Variants in CCDC33 observed in about 807,000 individuals in gnomAD.
CCDC33 encodes the protein coiled-coil domain-containing protein 33.
Under a neutral mutation model 91.9 loss-of-function variants are expected in CCDC33, and 94 were observed. The ratio of observed to expected loss-of-function variants is 1.02; its 90% CI spans 0.87 to 1.21. CCDC33 has a LOEUF of 1.21. CCDC33 is among the 50% of genes most tolerant of loss of function. CCDC33 has a pLI of 0.00. For missense variants in CCDC33, 940 were observed against 935.5 expected, an observed-to-expected ratio of 1.00 and a Z score of -0.06; for synonymous variants, 396 against 374.5, an observed-to-expected ratio of 1.06 and a Z score of -0.66.
intron 2 of CCDC33, among the ~76,000 whole-genome samples, chr15:74,220,642 C>T (rs1461211373): frequency 2.0e-5 from 3 of 152,208 alleles, no homozygotes; most frequent in Non-Finnish European, 4.4e-5. Flanking sequence ...TCGAACTCGG[C>T]AGCTCTAATT....
In CCDC33 at chr15:74,227,747, A is replaced by T. The variant is rs974894534; in HGVS notation, c.675+8886A>T. ...TAGACAAACTTTGGACTCAGGCTTG[A>T]GTTCAGGTTCCTGGTCTGCCTTGCA... On this transcript the variant is annotated intron_variant, in intron 2 of 2. Transcript: ENST00000635913. Among the ~76,000 whole-genome samples, 5 of 152,200 alleles carry T rather than the reference A, an allele frequency of 3.3e-5. No homozygotes were observed. In the South Asian group the frequency reaches 1.0e-3, roughly 32 times the overall value.
At chr15:74,326,858 G>C (rs1436746394) in intron 11 of CCDC33, among the ~76,000 whole-genome samples, 1 of 152,176 alleles carries the variant, frequency 6.6e-6, no homozygotes, top group Admixed American at 6.5e-5. Flanking sequence ...TCTGGGCCAT[G>C]GTGTCCTTCC....
At position 74,244,646 on chromosome 15, in the gene CCDC33, C is replaced by T. The variant is rs2075460775; in HGVS notation, c.185+498C>T. Among the ~76,000 whole-genome samples the T allele has an allele frequency of 6.6e-6, 1 of 152,072 alleles. No individual in the cohort carries two copies. On this transcript the variant is annotated intron_variant, in intron 2 of 18. Coordinates refer to ENST00000398814, the MANE Select transcript of CCDC33 (RefSeq NM_025055.5). This position sits in a 1 kb window ranked among gnomAD's most constrained non-coding sequence, Gnocchi z 4.2. Reference sequence around the variant, plus strand: ...CCTAGTTCTGGGCCTTTAATGCACCCCACACACCCCCTCCAGCCAGCTGCT... The same window carrying T: ...CCTAGTTCTGGGCCTTTAATGCACCTCACACACCCCCTCCAGCCAGCTGCT...
chr15:74,333,391 G>A, intron 16 of CCDC33: 1 of 1,167,238 alleles, frequency 8.6e-7, no homozygotes, highest in Non-Finnish European at 1.3e-6. Flanking sequence ...GGGGCCCCTT[G>A]CTTTACATAA....
chr15:74,292,313 A>G (rs551910028), intron 10 of CCDC33, among the ~76,000 whole-genome samples: 2 of 152,180 alleles, frequency 1.3e-5, no homozygotes, highest in East Asian at 3.9e-4. Context: ...GGCTCTTTCT[A>G]TGGTCTCGAG....
chr15:74,213,046 C>T (rs1567205967), upstream of CCDC33: 1 of 152,094 alleles, frequency 6.6e-6, no homozygotes, highest in Non-Finnish European at 1.5e-5. Context: ...GAAACCCCGT[C>T]TCTATTAAAA....
chr15:74,245,963 C>G (rs2075516404), intron 2 of CCDC33, among the ~76,000 whole-genome samples: 1 of 152,162 alleles, frequency 6.6e-6, no homozygotes, highest in African/African-American at 2.4e-5. Flanking sequence ...CTGTCAGGAC[C>G]TGAAGGGGGC....
At chr15:74,324,263 T>A (rs1937967169) in intron 11 of CCDC33, among the ~76,000 whole-genome samples, 1 of 152,130 alleles carries the variant, frequency 6.6e-6, no homozygotes, top group African/African-American at 2.4e-5. Flanking sequence ...GCTCTTTTGC[T>A]CACCTTGATG....
Position 74,336,125 on chromosome 15 carries a change from A to T in CCDC33, c.*72A>T. On this transcript the variant is annotated 3_prime_UTR_variant, in exon 19 of 19. Transcript: ENST00000398814. ...CGCCCCCTAAAAATGACGTTATTAA[A>T]TGTTGTAGCTCTGTGAGCATTTTCC... 6.3e-7 allele frequency: 1 copy of T among 1,581,282 alleles called. No individual in the cohort carries two copies. The highest frequency in any genetic ancestry group is 8.6e-7 in the Non-Finnish European group (1 of 1,165,334).
chr15:74,309,819 G>C (rs1328042423), intron 11 of CCDC33, among the ~76,000 whole-genome samples: 1 of 152,154 alleles, frequency 6.6e-6, no homozygotes, highest in African/African-American at 2.4e-5. Flanking sequence ...CATCTCAACA[G>C]AACAGCCTGG....
rs2060092592 is a variant in CCDC33 at position 74,316,594 on chromosome 15, G to A, written c.1291-13595G>A. 6.6e-6 allele frequency among the ~76,000 whole-genome samples: 1 copy of A among 152,150 alleles called. No homozygotes were observed. The highest frequency in any genetic ancestry group is 1.9e-4 in the East Asian group (1 of 5,186). On this transcript the variant is annotated intron_variant, in intron 11 of 18. Transcript: ENST00000398814. The surrounding 1 kb of genome is among the most constrained non-coding windows in gnomAD (Gnocchi z 4.7). Reference sequence around the variant, plus strand: ...GGGGCACACACCCATTTCCCTGGTGGGGAGGCTGAGGGGCAGGAGCAGGAA... The same window carrying A: ...GGGGCACACACCCATTTCCCTGGTGAGGAGGCTGAGGGGCAGGAGCAGGAA...
intron 7 of CCDC33, among the ~76,000 whole-genome samples, chr15:74,275,514 C>T (rs1037484021): frequency 5.9e-5 from 9 of 152,166 alleles, no homozygotes; most frequent in Admixed American, 2.0e-4. Context: ...CATCAACTCA[C>T]GACATAGAAT....
intron 6 of CCDC33, among the ~76,000 whole-genome samples, chr15:74,272,312 G>A (rs1342571635): frequency 6.6e-6 from 1 of 152,162 alleles, no homozygotes; most frequent in Non-Finnish European, 1.5e-5. Flanking sequence ...CATCCTGGAG[G>A]TCTCCCTGGT....
chr15:74,247,394 AC>A (rs1566967506), intron 2 of CCDC33, among the ~76,000 whole-genome samples: 8 of 140,890 alleles, frequency 5.7e-5, no homozygotes, highest in Admixed American at 1.4e-4. Flanking sequence ...ACACACACAC[AC>A]ACGTCATATA....
intron 16 of CCDC33, 51 bp from the exon 17 acceptor site, chr15:74,333,830 C>T (rs765015985): frequency 6.8e-7 from 1 of 1,478,084 alleles, no homozygotes; most frequent in Admixed American, 1.7e-5. Flanking sequence ...CAAGCTCACA[C>T]TGCCACAGCC....
In CCDC33 at chr15:74,271,703, A is replaced by G; in HGVS notation, c.547A>G (p.Ile183Val). ...YIGCNHMALE[I>V]FLRGVNEPLA... Reference sequence around the variant, plus strand: ...CTGCCTCCTCTCCTCTCCTCTCCAGATCTTTCTCCGGGGAGTCAACGAGCC... The same window carrying G: ...CTGCCTCCTCTCCTCTCCTCTCCAGGTCTTTCTCCGGGGAGTCAACGAGCC... Residue 183 changes from isoleucine to valine, a missense_variant and splice_region_variant, in exon 6 of 19, where the codon ATC (isoleucine) becomes GTC (valine). Transcript: ENST00000398814. The G allele has an allele frequency of 2.5e-6, 4 of 1,613,012 alleles. No individual in the cohort carries two copies. The highest frequency in any genetic ancestry group is 1.1e-5 in the South Asian group (1 of 91,036).
chr15:74,223,663 C>G (rs543041865), intron 2 of CCDC33, among the ~76,000 whole-genome samples: 1 of 150,342 alleles, frequency 6.7e-6, no homozygotes, highest in Admixed American at 6.6e-5. Flanking sequence ...GCCTCAGGCC[C>G]GAGCAGGTCA....
At chr15:74,335,824 T>A in intron 18 of CCDC33, 101 bp from the exon 19 acceptor site, 1 of 894,162 alleles carries the variant, frequency 1.1e-6, no homozygotes, top group South Asian at 1.5e-5. Flanking sequence ...GCCCACTGGA[T>A]TCTGGATACT....
At chr15:74,211,393 C>CTTTTTTTTTTTTTTTTTT (rs34963230) in intron 2 of CCDC33, among the ~76,000 whole-genome samples, 1 of 73,892 alleles carries the variant, frequency 1.4e-5, no homozygotes, top group Admixed American at 1.7e-4. Context: ...CTGCCCCTGG[C>CTTTTTTTTTTTTTTTTTT]TTTTTTTTTT....
Sources: allele counts gnomAD v4.1 joint callset (sites outside exome capture counted in the v4.1 genomes callset), GRCh38; gene constraint gnomAD v4.1.1; non-coding constraint Gnocchi (gnomAD v3.1); transcripts MANE v1.5; gene names NCBI Gene and HGNC (gene_info 2026-07-23, HGNC 2026-07-21).